Variants in INPP5D observed in about 807,000 individuals in gnomAD.
INPP5D encodes inositol polyphosphate-5-phosphatase D, also known as phosphatidylinositol 3,4,5-trisphosphate 5-phosphatase 1.
A neutral mutation model predicts 122.9 loss-of-function variants in INPP5D; 33 were observed. The observed-to-expected ratio is 0.27, with a 90% CI of 0.20 to 0.36. The LOEUF (loss-of-function observed/expected upper bound fraction) is 0.36. Ranked by LOEUF, INPP5D falls within the 10% of genes least tolerant of loss-of-function variation. The probability of loss-of-function intolerance (pLI) is 1.00; values close to 1 mark genes in which losing one functional copy is unlikely to be tolerated. For synonymous variants in INPP5D, 584 were observed against 576.2 expected, an observed-to-expected ratio of 1.01 and a Z score of -0.19; for missense variants, 1,053 against 1,412.7, an observed-to-expected ratio of 0.75 and a Z score of 4.08.
chr2:233,113,741 C>T (rs573652703), intron 2 of INPP5D, among the ~76,000 whole-genome samples: 3 of 152,314 alleles, frequency 2.0e-5, no homozygotes, highest in South Asian at 4.1e-4. Flanking sequence ...CCAGCTCCAT[C>T]CTTGCCTCTC....
intron 2 of INPP5D, among the ~76,000 whole-genome samples, chr2:233,080,015 C>T (rs1207928867): frequency 6.6e-6 from 1 of 152,156 alleles, no homozygotes; most frequent in Non-Finnish European, 1.5e-5. Flanking sequence ...CTGCAACCTC[C>T]ACCTCCCAGG....
intron 24 of INPP5D, among the ~76,000 whole-genome samples, chr2:233,196,102 C>T (rs759345530): frequency 8.5e-5 from 13 of 152,092 alleles, no homozygotes; most frequent in East Asian, 3.9e-4. Flanking sequence ...CCAGCTTAGG[C>T]GACAGAGTAA....
chr2:233,195,325 A>G, intron 23 of INPP5D, 74 bp from the exon 24 acceptor site: 1 of 1,607,392 alleles, frequency 6.2e-7, no homozygotes, highest in Non-Finnish European at 8.5e-7. Context: ...GCAAATGGAA[A>G]CCCCTTTGCC....
chr2:233,207,856 C>G lies in INPP5D; in HGVS notation c.*1148C>G, dbSNP rs1293439181. The G allele has an allele frequency of 6.6e-6, 1 of 152,338 alleles. No homozygotes were observed. Among genetic ancestry groups the G allele is most frequent in the Non-Finnish European group, 1.5e-5 (1 of 68,046 alleles). The allele number at this position is 152,338 out of a possible 1,614,324, so 9.4% of individuals were successfully genotyped here. A position where few individuals can be genotyped will look rare whatever the true frequency, so the allele number is the denominator to read the frequency against. On this transcript the variant is annotated 3_prime_UTR_variant, in exon 27 of 27. Coordinates refer to ENST00000445964, the MANE Select transcript of INPP5D (RefSeq NM_001017915.3). The surrounding 1 kb of genome is among the most constrained non-coding windows in gnomAD (Gnocchi z 4.6). The stretch of plus-strand genomic sequence containing the variant: ...TGCAGAAGGGAATGCACCCCACATT[C>G]CCATGATGGAAGTCTGCGTAACCAA...
At chr2:233,090,240 A>C (rs1691955997) in intron 2 of INPP5D, among the ~76,000 whole-genome samples, 1 of 152,260 alleles carries the variant, frequency 6.6e-6, no homozygotes, top group Admixed American at 6.5e-5. Context: ...CCCTGTTCTT[A>C]GCAGACTGTA....
intron 2 of INPP5D, among the ~76,000 whole-genome samples, chr2:233,103,599 C>T (rs928386952): frequency 1.3e-5 from 2 of 152,146 alleles, no homozygotes; most frequent in African/African-American, 4.8e-5. Flanking sequence ...TCAAGTCCTG[C>T]CTCTGCCACT....
intron 20 of INPP5D, among the ~76,000 whole-genome samples, chr2:233,185,157 T>A (rs1192496866): frequency 6.6e-6 from 1 of 151,966 alleles, no homozygotes; most frequent in Middle Eastern, 3.4e-3. Flanking sequence ...GTCTGCACAG[T>A]GATCGGGGGA....
At chr2:233,070,119 C>T (rs970108080) in intron 1 of INPP5D, among the ~76,000 whole-genome samples, 13 of 152,168 alleles carry the variant, frequency 8.5e-5, no homozygotes, top group Admixed American at 4.6e-4. Flanking sequence ...ATCCCTCTTT[C>T]GTGAATGGTC....
In INPP5D at chr2:233,130,602, C is replaced by T. The variant is rs774932127; in HGVS notation, c.619C>T (p.Pro207Ser). 8.7e-6 allele frequency: 14 copies of T among 1,613,910 alleles called. No individual in the cohort carries two copies. Among genetic ancestry groups the T allele is most frequent in the Middle Eastern group, 3.3e-4 (2 of 6,084 alleles). Residue 207 changes from proline to serine, a missense_variant, in exon 5 of 27, where the codon CCT (proline) becomes TCT (serine). This residue lies in a region of INPP5D where 196 missense variants were observed against 175.6 expected (regional missense o/e 1.12). Coordinates refer to ENST00000445964, the MANE Select transcript of INPP5D (RefSeq NM_001017915.3). ...EFVKTGSSSL[P>S]HLKKLTTLLC... Reference sequence around the variant, plus strand: ...TGTGAAGACAGGGTCCAGCAGTCTTCCTCACCTGAAGAAACTGACCACACT... The same window carrying T: ...TGTGAAGACAGGGTCCAGCAGTCTTTCTCACCTGAAGAAACTGACCACACT...
rs1416999525 is a variant in INPP5D, at chr2:233,082,038, C to T, written c.198+2640C>T. Among the ~76,000 whole-genome samples, 3 of 152,106 alleles carry T rather than the reference C, an allele frequency of 2.0e-5. No individual in the cohort carries two copies. The highest frequency in any genetic ancestry group is 2.9e-5 in the Non-Finnish European group (2 of 68,016). ...GTCTCCGCTTAGCCAGGACAGTGGGCGGGCAGCTTTCAGAGAAGATGGGCG... is the reference window on the plus strand; with the variant it reads ...GTCTCCGCTTAGCCAGGACAGTGGGTGGGCAGCTTTCAGAGAAGATGGGCG... On this transcript the variant is annotated intron_variant, in intron 2 of 26. Transcript: ENST00000445964. The surrounding 1 kb of genome is among the most constrained non-coding windows in gnomAD (Gnocchi z 4.7).
Position 233,204,177 on chromosome 2 carries a change from G to A in INPP5D, c.3027G>A (p.Leu1009=). ...NAGDTLPQED[L]PLTKPEMFEN... ...GGGACACGCTGCCTCAGGAGGACCT[G>A]CCGCTGACGAAGCCCGAGATGTTTG... Residue 1009 remains leucine, a synonymous_variant, in exon 26 of 27, where the codon CTG becomes CTA. Transcript: ENST00000445964. The A allele has an allele frequency of 1.2e-6, 2 of 1,604,902 alleles. No individual in the cohort carries two copies. The highest frequency in any genetic ancestry group is 2.2e-5 in the South Asian group (2 of 89,676).
rs1182062498 is a variant in INPP5D, at chr2:233,197,570, CCT to C, written c.2694-521_2694-520del. 6.6e-6 allele frequency among the ~76,000 whole-genome samples: 1 copy of C among 152,140 alleles called. No homozygotes were observed. Among genetic ancestry groups the C allele is most frequent in the Non-Finnish European group, 1.5e-5 (1 of 68,036 alleles). ...GGACCGTCCAGGAACAGGCCAAACC[CCT>C]CTCACCTGGAGGCCTTTGCATGTAC... On this transcript the variant is annotated intron_variant, in intron 24 of 26. Coordinates refer to ENST00000445964, the MANE Select transcript of INPP5D (RefSeq NM_001017915.3). This position sits in a 1 kb window ranked among gnomAD's most constrained non-coding sequence, Gnocchi z 4.4.
At chr2:233,083,547 C>A (rs1248989334) in intron 2 of INPP5D, among the ~76,000 whole-genome samples, 1 of 152,122 alleles carries the variant, frequency 6.6e-6, no homozygotes, top group East Asian at 1.9e-4. Context: ...CCTGACTGTC[C>A]CACACCAAGA....
At chr2:233,089,435 T>C (rs1303023408) in intron 2 of INPP5D, among the ~76,000 whole-genome samples, 2 of 152,206 alleles carry the variant, frequency 1.3e-5, no homozygotes, top group African/African-American at 2.4e-5. Flanking sequence ...AGGGATGTCA[T>C]TGGAGCCATG....
intron 11 of INPP5D, among the ~76,000 whole-genome samples, chr2:233,162,712 A>C (rs1288320705): frequency 6.6e-6 from 1 of 152,172 alleles, no homozygotes; most frequent in Non-Finnish European, 1.5e-5. Flanking sequence ...TCTGGGAGGA[A>C]GAGGGTGAGC....
intron 2 of INPP5D, among the ~76,000 whole-genome samples, chr2:233,098,331 G>A (rs544541290): frequency 2.3e-4 from 35 of 152,278 alleles, no homozygotes; most frequent in African/African-American, 7.7e-4. Context: ...ACCGTGGATA[G>A]GAGCTGGAAA....
intron 1 of INPP5D, among the ~76,000 whole-genome samples, chr2:233,069,308 A>C (rs1691314294): frequency 6.6e-6 from 1 of 152,220 alleles, no homozygotes; most frequent in African/African-American, 2.4e-5. Context: ...GCAATGGAGA[A>C]ACAAATAGAT....
chr2:233,137,865 T>TATAC (rs1693522423), intron 5 of INPP5D, among the ~76,000 whole-genome samples: 1 of 27,062 alleles, frequency 3.7e-5, no homozygotes, highest in African/African-American at 1.2e-4. Context: ...TATATATATA[T>TATAC]ATATATATAT....
intron 2 of INPP5D, among the ~76,000 whole-genome samples, chr2:233,113,958 TG>T (rs1692709989): frequency 1.6e-5 from 2 of 121,466 alleles, no homozygotes; most frequent in African/African-American, 4.2e-5. Context: ...CCAGGCTGGA[TG>T]GAGTGCAGTG....
Sources: gnomAD v4.1 joint callset for allele counts (sites outside exome capture counted in the v4.1 genomes callset) on GRCh38, gnomAD v4.1.1 for gene constraint, gnomAD v4.1.1 regional missense constraint, Gnocchi (gnomAD v3.1) non-coding constraint, MANE v1.5 for transcripts, NCBI Gene and HGNC (gene_info 2026-07-23, HGNC 2026-07-21) for gene names.